Variants in TMCO1 observed in about 807,000 individuals in gnomAD.
TMCO1 encodes transmembrane and coiled-coil domains 1, also known as calcium load-activated calcium channel.
In TMCO1, 29 loss-of-function variants were observed where a neutral mutation model predicts 29.3. The ratio of observed to expected loss-of-function variants is 0.99; its 90% CI spans 0.74 to 1.35. The LOEUF (loss-of-function observed/expected upper bound fraction) is 1.35, where lower values mean the gene tolerates loss of function less well. Ranked by LOEUF, TMCO1 falls within the 40% of genes most tolerant of loss-of-function variation. The pLI is 0.00. For missense variants in TMCO1, 173 were observed against 225.5 expected (o/e 0.77, Z 1.49); for synonymous variants, 80 against 77.1 (o/e 1.04, Z -0.20).
Position 165,752,145 on chromosome 1 carries a change from T to C in TMCO1, c.280A>G (p.Ile94Val). 4 of 1,613,014 alleles carry C rather than the reference T, an allele frequency of 2.5e-6. No individual in the cohort carries two copies. Among genetic ancestry groups the C allele is most frequent in the Non-Finnish European group, 3.4e-6 (4 of 1,179,686 alleles). ...ATTAGGGCAGTAAAACAAAAGCCAA[T>C]AGCAAACATGGATTTCATTCGAACC... ...SMVRMKSMFA[I>V]GFCFTALMGM... Residue 94 changes from isoleucine (I) to valine (V), a missense_variant, in exon 5 of 7, where the codon ATT (isoleucine) becomes GTT (valine). Ile to Val is a conservative substitution (Grantham distance 29). Coordinates refer to ENST00000367881, the MANE Select transcript of TMCO1 (RefSeq NM_019026.6).
intron 6 of TMCO1, among the ~76,000 whole-genome samples, chr1:165,741,869 G>C (rs1376739854): frequency 6.6e-6 from 1 of 152,182 alleles, no homozygotes; most frequent in African/African-American, 2.4e-5. Context: ...TGACATGCCT[G>C]CTTCCCTTCT....
intron 3 of TMCO1, among the ~76,000 whole-genome samples, chr1:165,757,323 G>A (rs919078804): frequency 4.6e-5 from 7 of 152,130 alleles, no homozygotes; most frequent in South Asian, 2.1e-4. Flanking sequence ...CAGTAAAAGC[G>A]TTTTATGAAG....
At chr1:165,750,412 G>A (rs958509469) in intron 5 of TMCO1, among the ~76,000 whole-genome samples, 9 of 151,322 alleles carry the variant, frequency 5.9e-5, no homozygotes, top group African/African-American at 1.9e-4. Context: ...GTGGTGGTTC[G>A]CACCTGTAAT....
chr1:165,768,044 A>T (rs554609138), intron 2 of TMCO1, 148 bp downstream of exon 2: 1 of 730,048 alleles, frequency 1.4e-6, no homozygotes, highest in Non-Finnish European at 2.4e-6. Flanking sequence ...TTGGTATTAC[A>T]CATTTTGCAT....
chr1:165,761,227 C>T (rs1217223700), intron 2 of TMCO1, among the ~76,000 whole-genome samples: 4 of 151,640 alleles, frequency 2.6e-5, no homozygotes, highest in Non-Finnish European at 4.4e-5. Context: ...AGATACTGTT[C>T]TAGGTAAATA....
intron 3 of TMCO1, among the ~76,000 whole-genome samples, chr1:165,757,306 C>T (rs1017440184): frequency 2.7e-4 from 41 of 152,182 alleles, no homozygotes; most frequent in African/African-American, 7.7e-4. Flanking sequence ...AATGCCAAGG[C>T]GAAATACAGT....
chr1:165,741,775 T>C (rs1651603320), intron 6 of TMCO1, among the ~76,000 whole-genome samples: 1 of 152,110 alleles, frequency 6.6e-6, no homozygotes, highest in Non-Finnish European at 1.5e-5. Context: ...GTTCTTGTGA[T>C]AGTGAGTGAG....
chr1:165,729,318 TC>T (rs1651040360), intron 6 of TMCO1, among the ~76,000 whole-genome samples: 1 of 123,708 alleles, frequency 8.1e-6, no homozygotes, highest in Non-Finnish European at 1.7e-5. Flanking sequence ...TTCTCATAAT[TC>T]TTTTTTTTTT....
intron 1 of TMCO1, 64 bp downstream of exon 1, chr1:165,768,617 AC>A (rs1447791064): frequency 1.2e-6 from 2 of 1,612,604 alleles, no homozygotes; most frequent in Non-Finnish European, 1.7e-6. Context: ...CCCTGGTGGC[AC>A]AGGGGACCCC....
At position 165,727,422 on chromosome 1, in the gene TMCO1, T is replaced by C. The variant is rs771568850; in HGVS notation, c.*601A>G. On this transcript the variant is annotated 3_prime_UTR_variant, in exon 7 of 7. Coordinates refer to ENST00000367881, the MANE Select transcript of TMCO1 (RefSeq NM_019026.6). ...AAGACAACTCTGTATTTTGAGTATA[T>C]GAGTCAAGTATGGCAAAAAGTACAG... 2.2e-6 allele frequency: 1 copy of C among 454,058 alleles called. No homozygotes were observed. Among genetic ancestry groups the C allele is most frequent in the South Asian group, 1.6e-5 (1 of 64,464 alleles). The allele number at this position is 454,058 out of a possible 1,614,324, so 28.1% of individuals were successfully genotyped here. A position where few individuals can be genotyped will look rare whatever the true frequency, so the allele number is the denominator to read the frequency against.
At chr1:165,739,475 C>A (rs1182933705) in intron 6 of TMCO1, among the ~76,000 whole-genome samples, 1 of 152,026 alleles carries the variant, frequency 6.6e-6, no homozygotes, top group Non-Finnish European at 1.5e-5. Context: ...GCAACCTCCA[C>A]CTCCCGGGCT....
intron 3 of TMCO1, 142 bp from the exon 4 acceptor site, chr1:165,754,416 T>C (rs1366247919): frequency 1.2e-5 from 8 of 649,322 alleles, no homozygotes; most frequent in South Asian, 1.8e-5. Flanking sequence ...TGGGATAGTA[T>C]ACGTTTTGTA....
At chr1:165,763,843 T>A (rs1211104099) in intron 2 of TMCO1, among the ~76,000 whole-genome samples, 1 of 152,120 alleles carries the variant, frequency 6.6e-6, no homozygotes, top group Non-Finnish European at 1.5e-5. Flanking sequence ...CCCAGGCTGG[T>A]CTTGAACTCC....
At chr1:165,739,675 C>T (rs1478629626) in intron 6 of TMCO1, among the ~76,000 whole-genome samples, 3 of 151,794 alleles carry the variant, frequency 2.0e-5, no homozygotes, top group African/African-American at 7.3e-5. Flanking sequence ...AGGTGTGAGC[C>T]ACTGTGCCTG....
intron 4 of TMCO1, 83 bp from the exon 5 acceptor site, chr1:165,752,252 A>ATT (rs773982057): frequency 0.011 from 4,486 of 423,338 alleles, 20 homozygotes; most frequent in East Asian, 0.048. Flanking sequence ...GTTTCATGTC[A>ATT]TTTTTTTTTT....
At chr1:165,724,986 T>TTCTCTCTCTCTCTC (rs61515012), downstream of TMCO1, 32 of 373,164 alleles carry the variant, frequency 8.6e-5, no homozygotes, top group South Asian at 2.2e-4. Flanking sequence ...TATTCTCTCT[T>TTCTCTCTCTCTCTC]TCTCTCTCTC....
At chr1:165,742,067 T>A (rs1237653857) in intron 6 of TMCO1, among the ~76,000 whole-genome samples, 1 of 152,166 alleles carries the variant, frequency 6.6e-6, no homozygotes, top group Non-Finnish European at 1.5e-5. Context: ...ACCAAAAATC[T>A]TCTGCCACAG....
chr1:165,727,946 G>C lies in TMCO1; in HGVS notation c.*77C>G. On this transcript the variant is annotated 3_prime_UTR_variant, in exon 7 of 7. Coordinates refer to ENST00000367881, the MANE Select transcript of TMCO1 (RefSeq NM_019026.6). ...GGCCCAAGTAGTAAGGCTACCTATG[G>C]CTCTTGCTACAAAACAGTTGCCAGT... The C allele has an allele frequency of 8.9e-7, 1 of 1,124,992 alleles. No individual in the cohort carries two copies. The highest frequency in any genetic ancestry group is 1.3e-6 in the Non-Finnish European group (1 of 758,402). The allele number at this position is 1,124,992 out of a possible 1,614,324, so 69.7% of individuals were successfully genotyped here. A position where few individuals can be genotyped will look rare whatever the true frequency, so the allele number is the denominator to read the frequency against.
chr1:165,724,583 C>G (rs1006692093), downstream of TMCO1: 2 of 453,990 alleles, frequency 4.4e-6, no homozygotes, highest in African/African-American at 2.0e-5. Context: ...ATCACCAGCT[C>G]TGGGGTGGGG....
Sources: gnomAD v4.1 joint callset for allele counts (sites outside exome capture counted in the v4.1 genomes callset) on GRCh38, gnomAD v4.1.1 for gene constraint, MANE v1.5 for transcripts, NCBI Gene and HGNC (gene_info 2026-07-23, HGNC 2026-07-21) for gene names.